LDB2: variants seen among roughly 807,000 people sequenced by gnomAD.
The protein encoded by LDB2 is LIM domain binding 2, also known as LIM domain-binding protein 2.
In LDB2, 12 loss-of-function variants were observed where a neutral mutation model predicts 44.3. The ratio of observed to expected loss-of-function variants is 0.27; its 90% CI spans 0.17 to 0.44. The LOEUF is 0.44. LDB2 is among the 20% of genes least tolerant of loss of function. The pLI is 1.00. For synonymous variants in LDB2, 164 were observed against 174.8 expected (o/e 0.94, Z 0.49); for missense variants, 344 against 473.5 (o/e 0.73, Z 2.54).
chr4:16,616,571 A>G (rs967314515), intron 2 of LDB2, among the ~76,000 whole-genome samples: 4 of 152,094 alleles, frequency 2.6e-5, no homozygotes, highest in Admixed American at 2.6e-4. Context: ...TCTCTGGCCA[A>G]TAACCCATTT....
At chr4:16,708,377 T>A (rs1578956135) in intron 2 of LDB2, among the ~76,000 whole-genome samples, 1 of 152,044 alleles carries the variant, frequency 6.6e-6, no homozygotes, top group African/African-American at 2.4e-5. Flanking sequence ...GAACCCCCAA[T>A]GGTCAGCCCA....
Position 16,761,982 on chromosome 4 carries a change from AAAAATAGAAAACTCAGTGGAATAG to A in LDB2, c.133-2746_133-2723del, listed in dbSNP as rs1285922880. ...AACATGGTGAAACCCACACTCTGCT[AAAAATAGAAAACTCAGTGGAATAG>A]AAAATAGAAAACTAAATGGAATAGA... On this transcript the variant is annotated intron_variant, in intron 1 of 7. Transcript: ENST00000304523. Among the ~76,000 whole-genome samples the A allele has an allele frequency of 1.8e-4, 28 of 152,294 alleles. No homozygotes were observed. The South Asian group carries it at 5.8e-3, about 32-fold the overall frequency.
In LDB2 at chr4:16,898,454, G is replaced by A. The variant is rs374353164; in HGVS notation, c.32C>T (p.Ser11Phe). Reference protein sequence around the residue: MSSTPHDPFYSSPFGPFYRRH... With the variant: MSSTPHDPFYFSPFGPFYRRH... Reference sequence around the variant, plus strand: ...CCTATAAAATGGGCCGAAAGGAGAAGAATAGAAGGGGTCATGTGGTGTGCT... The same window carrying A: ...CCTATAAAATGGGCCGAAAGGAGAAAAATAGAAGGGGTCATGTGGTGTGCT... Residue 11 changes from serine to phenylalanine, a missense_variant, in exon 1 of 8, where the codon TCT becomes TTT. Around this residue, in one of 3 missense-constraint regions of LDB2, gnomAD observed 226 missense variants for 270.1 expected, o/e 0.84. Transcript: ENST00000304523. 6.2e-7 allele frequency: 1 copy of A among 1,613,774 alleles called. No individual in the cohort carries two copies. Among genetic ancestry groups the A allele is most frequent in the East Asian group, 2.2e-5 (1 of 44,804 alleles).
At chr4:16,509,921 A>G (rs1721037469) in intron 6 of LDB2, among the ~76,000 whole-genome samples, 1 of 152,128 alleles carries the variant, frequency 6.6e-6, no homozygotes, top group Non-Finnish European at 1.5e-5. Context: ...TTCGAGACCA[A>G]CTTGGGCAAC....
intron 2 of LDB2, among the ~76,000 whole-genome samples, chr4:16,635,064 T>C (rs1733183264): frequency 1.3e-5 from 2 of 152,012 alleles, no homozygotes; most frequent in Non-Finnish European, 1.5e-5. Flanking sequence ...CACCACATGT[T>C]CTCACTCATA....
chr4:16,718,033 A>C (rs559535808), intron 2 of LDB2, among the ~76,000 whole-genome samples: 2 of 152,292 alleles, frequency 1.3e-5, no homozygotes, highest in Non-Finnish European at 2.9e-5. Context: ...AATCTTTCAA[A>C]ATGCGGATCC....
At chr4:16,516,116 C>G (rs1004989448) in intron 5 of LDB2, among the ~76,000 whole-genome samples, 70 of 152,120 alleles carry the variant, frequency 4.6e-4, no homozygotes, top group African/African-American at 1.6e-3. Context: ...CTGCCCACCT[C>G]GACCTCCCAA....
intron 2 of LDB2, among the ~76,000 whole-genome samples, chr4:16,714,325 G>A (rs902838524): frequency 3.9e-5 from 6 of 152,212 alleles, no homozygotes; most frequent in African/African-American, 1.4e-4. Context: ...GCTCAACTCA[G>A]CTAGCTGGAT....
At chr4:16,851,498 G>C (rs1048586743) in intron 1 of LDB2, among the ~76,000 whole-genome samples, 2 of 152,064 alleles carry the variant, frequency 1.3e-5, no homozygotes, top group Middle Eastern at 3.4e-3. Context: ...GGAGGCTGAG[G>C]TGAGAGAATC....
intron 1 of LDB2, among the ~76,000 whole-genome samples, chr4:16,828,021 T>C (rs979394317): frequency 6.6e-6 from 1 of 152,122 alleles, no homozygotes; most frequent in Admixed American, 6.5e-5. Flanking sequence ...ACCTCCCACT[T>C]CCACCAAACC....
intron 7 of LDB2, 76 bp from the exon 8 acceptor site, chr4:16,502,949 G>A: frequency 1.2e-6 from 2 of 1,604,220 alleles, no homozygotes; most frequent in Admixed American, 1.7e-5. Context: ...AGTGGGAGGA[G>A]TCGGGGAATC....
intron 1 of LDB2, among the ~76,000 whole-genome samples, chr4:16,897,353 T>A (rs1725319255): frequency 6.6e-6 from 1 of 152,176 alleles, no homozygotes; most frequent in Non-Finnish European, 1.5e-5. Flanking sequence ...TAAAGTGACT[T>A]TGGTGCACCT....
intron 5 of LDB2, among the ~76,000 whole-genome samples, chr4:16,545,663 T>A (rs942171671): frequency 1.2e-4 from 19 of 152,222 alleles, no homozygotes; most frequent in African/African-American, 4.3e-4. Flanking sequence ...TTCATGCAAC[T>A]TTTTTTATAT....
At chr4:16,667,044 TG>T (rs1020015167) in intron 2 of LDB2, among the ~76,000 whole-genome samples, 1 of 152,136 alleles carries the variant, frequency 6.6e-6, no homozygotes, top group Non-Finnish European at 1.5e-5. Flanking sequence ...GCAGAGCACC[TG>T]GGACTGTCAA....
chr4:16,627,820 A>G (rs1730696090), intron 2 of LDB2, among the ~76,000 whole-genome samples: 1 of 152,212 alleles, frequency 6.6e-6, no homozygotes, highest in Non-Finnish European at 1.5e-5. Context: ...GGTTACAGAA[A>G]GACTGTGGCT....
At chr4:16,522,260 C>T (rs963651100) in intron 5 of LDB2, among the ~76,000 whole-genome samples, 4 of 82,924 alleles carry the variant, frequency 4.8e-5, no homozygotes, top group Admixed American at 1.1e-4. Flanking sequence ...AGATATTCCC[C>T]GCCGTGTGTG....
chr4:16,624,296 T>G (rs1311048212), intron 2 of LDB2, among the ~76,000 whole-genome samples: 2 of 152,260 alleles, frequency 1.3e-5, no homozygotes, highest in East Asian at 3.9e-4. Flanking sequence ...AGGGTCTCAC[T>G]ATGTTGCCCA....
At chr4:16,678,902 G>C (rs1747056781) in intron 2 of LDB2, among the ~76,000 whole-genome samples, 1 of 152,042 alleles carries the variant, frequency 6.6e-6, no homozygotes, top group Admixed American at 6.6e-5. Context: ...ATTTCTACCT[G>C]ATTGAGTCCT....
At chr4:16,732,570 T>C (rs1760981437) in intron 2 of LDB2, among the ~76,000 whole-genome samples, 1 of 152,214 alleles carries the variant, frequency 6.6e-6, no homozygotes, top group Non-Finnish European at 1.5e-5. Context: ...TAGGATTTTA[T>C]AGTACAGATA....
Sources: allele counts gnomAD v4.1 joint callset (sites outside exome capture counted in the v4.1 genomes callset), GRCh38; gene constraint gnomAD v4.1.1; regional missense constraint gnomAD v4.1.1; transcripts MANE v1.5; gene names NCBI Gene and HGNC (gene_info 2026-07-23, HGNC 2026-07-21).